LDLRAD4: variants seen among roughly 807,000 people sequenced by gnomAD.
LDLRAD4 encodes the protein low-density lipoprotein receptor class A domain-containing protein 4.
A neutral mutation model predicts 17.0 loss-of-function variants in LDLRAD4; 5 were observed. That is an observed-to-expected ratio of 0.29 (90% CI 0.15 to 0.62). The LOEUF is 0.62. Among genes scored for constraint, LDLRAD4 ranks in the 20% least tolerant of loss-of-function variants. LDLRAD4 has a pLI of 0.84. For synonymous variants in LDLRAD4, 168 were observed against 171.8 expected (o/e 0.98, Z 0.17); for missense variants, 340 against 424.7 (o/e 0.80, Z 1.75).
At chr18:13,570,812 T>G (rs2094680066) in intron 3 of LDLRAD4, among the ~76,000 whole-genome samples, 1 of 152,168 alleles carries the variant, frequency 6.6e-6, no homozygotes, top group Non-Finnish European at 1.5e-5. Flanking sequence ...CCCTTTCATT[T>G]ATTTCATTTT....
At chr18:13,344,694 T>C (rs1411933389) in intron 1 of LDLRAD4, among the ~76,000 whole-genome samples, 2 of 152,244 alleles carry the variant, frequency 1.3e-5, no homozygotes, top group African/African-American at 2.4e-5. Flanking sequence ...TTTCACGATA[T>C]TGATTCTTCT....
intron 3 of LDLRAD4, among the ~76,000 whole-genome samples, chr18:13,441,979 T>C (rs2091053064): frequency 6.6e-6 from 1 of 152,218 alleles, no homozygotes; most frequent in South Asian, 2.1e-4. Context: ...GCTGCATCTT[T>C]CTGTGGAAGA....
chr18:13,273,183 G>C (rs2044663815), upstream of LDLRAD4, among the ~76,000 whole-genome samples: 3 of 152,178 alleles, frequency 2.0e-5, no homozygotes, highest in Admixed American at 1.3e-4. Context: ...AGCAAGGTTG[G>C]TTTTGGGAAG....
chr18:13,533,248 G>A (rs148938018), intron 3 of LDLRAD4, among the ~76,000 whole-genome samples: 1 of 152,106 alleles, frequency 6.6e-6, no homozygotes, highest in Non-Finnish European at 1.5e-5. Context: ...TTGCTGCAAT[G>A]GATTTTTCAT....
At chr18:13,532,672 T>C (rs573545728) in intron 3 of LDLRAD4, among the ~76,000 whole-genome samples, 21 of 152,346 alleles carry the variant, frequency 1.4e-4, no homozygotes, top group Admixed American at 6.5e-4. Flanking sequence ...TCTGGTTTTA[T>C]AAACAGGGAG....
intron 2 of LDLRAD4, among the ~76,000 whole-genome samples, chr18:13,418,946 A>T (rs2089191474): frequency 6.6e-6 from 1 of 152,176 alleles, no homozygotes; most frequent in Non-Finnish European, 1.5e-5. Flanking sequence ...TACATAGATG[A>T]TTGAATTTAG....
At chr18:13,310,568 T>C (rs1447248607) in intron 1 of LDLRAD4, among the ~76,000 whole-genome samples, 1 of 152,186 alleles carries the variant, frequency 6.6e-6, no homozygotes, top group Non-Finnish European at 1.5e-5. Context: ...TGGATGCTGC[T>C]GGGGGTATGG....
intron 3 of LDLRAD4, among the ~76,000 whole-genome samples, chr18:13,451,796 C>T (rs1360345575): frequency 6.6e-6 from 1 of 152,204 alleles, no homozygotes; most frequent in Non-Finnish European, 1.5e-5. Context: ...TTCCCATGGG[C>T]ATGAATCCCA....
upstream of LDLRAD4, among the ~76,000 whole-genome samples, chr18:13,277,026 C>A (rs1181965815): frequency 6.6e-6 from 1 of 152,108 alleles, no homozygotes; most frequent in Non-Finnish European, 1.5e-5. Flanking sequence ...TCTCAGCAGG[C>A]AGGAAACAGG....
At chr18:13,219,777 T>C (rs555708759) in intron 1 of LDLRAD4, among the ~76,000 whole-genome samples, 2 of 152,376 alleles carry the variant, frequency 1.3e-5, no homozygotes, top group African/African-American at 4.8e-5. Flanking sequence ...TCCTCCTCTC[T>C]GTATCTTCCC....
intron 1 of LDLRAD4, among the ~76,000 whole-genome samples, chr18:13,324,070 A>AT (rs1478541250): frequency 6.7e-6 from 1 of 148,596 alleles, no homozygotes; most frequent in East Asian, 2.0e-4. Flanking sequence ...AGTCATCAGG[A>AT]TTAGCATACC....
chr18:13,305,049 T>G (rs1478374045), intron 1 of LDLRAD4, among the ~76,000 whole-genome samples: 3 of 152,186 alleles, frequency 2.0e-5, no homozygotes, highest in African/African-American at 7.2e-5. Context: ...TTTTGGAGAT[T>G]TTCAAATATT....
At chr18:13,499,222 C>A (rs963613850) in intron 3 of LDLRAD4, among the ~76,000 whole-genome samples, 6 of 149,456 alleles carry the variant, frequency 4.0e-5, no homozygotes, top group Admixed American at 6.7e-5. Context: ...ACTGGAGAAT[C>A]CTTCTCGCCA....
chr18:13,226,180 C>CTTTTTTTT lies in LDLRAD4; in HGVS notation c.-467+7206_-467+7213dup, dbSNP rs71174166. ...GGACTACAGATGCTGCCATGCCTTGCTTTTTTTTTTTTTTTTTTTTTGTAG... is the reference window on the plus strand; with the variant it reads ...GGACTACAGATGCTGCCATGCCTTGCTTTTTTTTTTTTTTTTTTTTTTTTTTTTTGTAG... On this transcript the variant is annotated intron_variant, in intron 1 of 5. Transcript: ENST00000399848. Among the ~76,000 whole-genome samples the CTTTTTTTT allele has an allele frequency of 9.6e-3, 501 of 52,176 alleles. 156 individuals carry two copies. Among genetic ancestry groups the CTTTTTTTT allele is most frequent in the African/African-American group, 0.023 (293 of 12,826 alleles). 34.2% of individuals were successfully genotyped at this position (52,176 alleles called of 152,430 possible).
intron 1 of LDLRAD4, among the ~76,000 whole-genome samples, chr18:13,338,644 A>G (rs1446037926): frequency 6.6e-6 from 1 of 152,224 alleles, no homozygotes; most frequent in Non-Finnish European, 1.5e-5. Flanking sequence ...TTCAGTTTCT[A>G]AAAATCACTG....
At chr18:13,382,109 A>G (rs1225741932) in intron 1 of LDLRAD4, among the ~76,000 whole-genome samples, 1 of 152,244 alleles carries the variant, frequency 6.6e-6, no homozygotes. Context: ...CAGTCTGTCC[A>G]CAGCAGGAGG....
intron 3 of LDLRAD4, among the ~76,000 whole-genome samples, chr18:13,617,318 A>G (rs2040185631): frequency 6.6e-6 from 1 of 152,184 alleles, no homozygotes; most frequent in South Asian, 2.1e-4. Context: ...AATCAGATAT[A>G]TTAGCTCAGA....
chr18:13,263,527 G>A (rs2044038527), intron 1 of LDLRAD4, among the ~76,000 whole-genome samples: 1 of 152,194 alleles, frequency 6.6e-6, no homozygotes, highest in Admixed American at 6.5e-5. Flanking sequence ...GAGAGGCAGG[G>A]GAGTCGAGGG....
chr18:13,470,211 G>A (rs2092730086), intron 3 of LDLRAD4, among the ~76,000 whole-genome samples: 1 of 152,062 alleles, frequency 6.6e-6, no homozygotes, highest in African/African-American at 2.4e-5. Context: ...CTCCAATAGA[G>A]GGCTGCAGAA....
Sources: gnomAD v4.1 joint callset for allele counts (sites outside exome capture counted in the v4.1 genomes callset) on GRCh38, gnomAD v4.1.1 for gene constraint, MANE v1.5 for transcripts, NCBI Gene and HGNC (gene_info 2026-07-23, HGNC 2026-07-21) for gene names.